Variants in ELOVL2 observed in about 807,000 individuals in gnomAD.
ELOVL2 encodes the protein ELOVL fatty acid elongase 2.
In ELOVL2, 38 loss-of-function variants were observed where a neutral mutation model predicts 37.7. The ratio of observed to expected loss-of-function variants is 1.01; its 90% CI spans 0.78 to 1.32. The LOEUF is 1.32. Ranked by LOEUF, ELOVL2 falls within the 40% of genes most tolerant of loss-of-function variation. The pLI is 0.00. For synonymous variants in ELOVL2, 115 were observed against 122.3 expected, an observed-to-expected ratio of 0.94 and a Z score of 0.40; for missense variants, 352 against 363.6, an observed-to-expected ratio of 0.97 and a Z score of 0.26.
chr6:10,996,520 A>C (rs1581863201), intron 4 of ELOVL2, among the ~76,000 whole-genome samples: 1 of 151,958 alleles, frequency 6.6e-6, no homozygotes, highest in Admixed American at 6.5e-5. Context: ...ATACAAAAAA[A>C]TTAGTTGGGT....
intron 1 of ELOVL2, among the ~76,000 whole-genome samples, chr6:11,012,106 ACT>A (rs1782594620): frequency 6.6e-6 from 1 of 152,074 alleles, no homozygotes; most frequent in Admixed American, 6.5e-5. Flanking sequence ...CTTATTTGTG[ACT>A]CTGATCCTGA....
intron 1 of ELOVL2, among the ~76,000 whole-genome samples, chr6:11,012,495 G>A (rs530194750): frequency 6.6e-6 from 1 of 152,306 alleles, no homozygotes; most frequent in East Asian, 1.9e-4. Flanking sequence ...CATAACAAAT[G>A]CCAATGAAGT....
At chr6:11,008,397 GTTGT>G (rs1275492181) in intron 2 of ELOVL2, among the ~76,000 whole-genome samples, 3 of 152,218 alleles carry the variant, frequency 2.0e-5, no homozygotes, top group African/African-American at 7.2e-5. Flanking sequence ...CAGACAAGTT[GTTGT>G]TTAACTGTCT....
In ELOVL2 at chr6:10,999,053, C is replaced by T. The variant is rs573343885; in HGVS notation, c.333+1034G>A. On this transcript the variant is annotated intron_variant, in intron 4 of 7. Coordinates refer to ENST00000354666, the MANE Select transcript of ELOVL2 (RefSeq NM_017770.4). ...TATCACAGTGTCAAAAAAGCAATACCGATGTTATTAACAATAAAAAAATTA... is the reference window on the plus strand; with the variant it reads ...TATCACAGTGTCAAAAAAGCAATACTGATGTTATTAACAATAAAAAAATTA... 9.8e-4 allele frequency among the ~76,000 whole-genome samples: 149 copies of T among 151,830 alleles called. 2 individuals are homozygous for T. Among genetic ancestry groups the T allele is most frequent in the Non-Finnish European group, 1.9e-3 (126 of 67,952 alleles).
rs772298104 is a variant in ELOVL2, at chr6:11,005,413, T to C, written c.214A>G (p.Asn72Asp). Reference sequence around the variant, plus strand: ...GCGGAGAGAAGTGTGATTCCAAGATTATACAAGGTGAGGATACCCCTGAGA... The same window carrying C: ...GCGGAGAGAAGTGTGATTCCAAGATCATACAAGGTGAGGATACCCCTGAGA... ...LSLRGILTLY[N>D]LGITLLSAYM... The change falls in exon 3 of 8, where the codon AAT becomes GAT. Residue 72 changes from asparagine to aspartate, a missense_variant. By Grantham distance (23) the Asn-to-Asp change is conservative. Coordinates refer to ENST00000354666, the MANE Select transcript of ELOVL2 (RefSeq NM_017770.4). 1.9e-6 allele frequency: 3 copies of C among 1,614,046 alleles called. No individual in the cohort carries two copies. The highest frequency in any genetic ancestry group is 4.5e-5 in the East Asian group (2 of 44,872).
intron 1 of ELOVL2, among the ~76,000 whole-genome samples, chr6:11,021,827 C>G (rs1423134545): frequency 6.6e-6 from 1 of 152,138 alleles, no homozygotes; most frequent in Non-Finnish European, 1.5e-5. Flanking sequence ...TGCTGGCTCA[C>G]CTTTTGGCTT....
Position 10,993,857 on chromosome 6 carries a change from A to ATT in ELOVL2, c.505+1148_505+1149dup, listed in dbSNP as rs530539525. ...AAGTGCACGTCACCACGCCCAGCTA[A>ATT]TTTTTTTTTTTTTTTTTTTTTTTTT... On this transcript the variant is annotated intron_variant, in intron 5 of 7. Transcript: ENST00000354666. Among the ~76,000 whole-genome samples the ATT allele has an allele frequency of 1.8e-3, 141 of 79,086 alleles. 5 individuals carry two copies. The highest frequency in any genetic ancestry group is 8.6e-3 in the Middle Eastern group (1 of 116). The allele number at this position is 79,086 out of a possible 152,430, so 51.9% of individuals were successfully genotyped here. A position where few individuals can be genotyped will look rare whatever the true frequency, so the allele number is the denominator to read the frequency against.
At chr6:11,022,594 A>G (rs1019503076) in intron 1 of ELOVL2, among the ~76,000 whole-genome samples, 1 of 152,208 alleles carries the variant, frequency 6.6e-6, no homozygotes, top group Admixed American at 6.5e-5. Flanking sequence ...AATTATATAC[A>G]CACAAAAAAT....
In ELOVL2 at chr6:11,010,610, G is replaced by A. The variant is rs2113522683; in HGVS notation, c.67+136C>T. 4 of 727,652 alleles carry A rather than the reference G, an allele frequency of 5.5e-6. No individual in the cohort carries two copies. In the East Asian group the frequency reaches 8.1e-5, roughly 15 times the overall value. 45.1% of individuals were successfully genotyped at this position (727,652 alleles called of 1,614,324 possible). On this transcript the variant is annotated intron_variant, in intron 2 of 7. Coordinates refer to ENST00000354666, the MANE Select transcript of ELOVL2 (RefSeq NM_017770.4). The stretch of plus-strand genomic sequence containing the variant: ...CTGGACATTCTGGAAGGATATCAAA[G>A]TTGAGGAAGTTAAGTTTCTAAATAT...
At chr6:11,039,791 T>C (rs777649420) in intron 1 of ELOVL2, among the ~76,000 whole-genome samples, 3 of 152,216 alleles carry the variant, frequency 2.0e-5, no homozygotes, top group Non-Finnish European at 4.4e-5. Flanking sequence ...ACTATCAGAC[T>C]ATCTGTGAAA....
chr6:11,043,847 G>A (rs9468309), intron 1 of ELOVL2: 38,421 of 185,822 alleles, frequency 0.21, 5,484 homozygotes, highest in East Asian at 0.63. Flanking sequence ...CGGAGGGTCG[G>A]AGGGTGGGCT....
At chr6:11,022,132 G>C (rs895052792) in intron 1 of ELOVL2, among the ~76,000 whole-genome samples, 1 of 152,186 alleles carries the variant, frequency 6.6e-6, no homozygotes, top group African/African-American at 2.4e-5. Flanking sequence ...CCCTTGCAGT[G>C]CTTGTGATCT....
At chr6:11,012,300 TAA>T (rs1782598557) in intron 1 of ELOVL2, among the ~76,000 whole-genome samples, 1 of 152,256 alleles carries the variant, frequency 6.6e-6, no homozygotes, top group Non-Finnish European at 1.5e-5. Flanking sequence ...TGAAAATTTT[TAA>T]ACAGTATATT....
intron 1 of ELOVL2, among the ~76,000 whole-genome samples, chr6:11,033,897 G>A (rs915554805): frequency 6.6e-6 from 1 of 152,188 alleles, no homozygotes; most frequent in Non-Finnish European, 1.5e-5. Context: ...AGAGAAAAAA[G>A]TTAGGATTGT....
chr6:11,011,344 C>T (rs1016782167), intron 1 of ELOVL2, among the ~76,000 whole-genome samples: 1 of 147,218 alleles, frequency 6.8e-6, no homozygotes, highest in Non-Finnish European at 1.5e-5. Context: ...CCAGCCTGGG[C>T]GACAGAGTGA....
chr6:11,029,446 A>G (rs930350203), intron 1 of ELOVL2, among the ~76,000 whole-genome samples: 6 of 152,144 alleles, frequency 3.9e-5, no homozygotes, highest in Admixed American at 3.9e-4. Flanking sequence ...CATACTTGTA[A>G]AAGCATCTAT....
At chr6:11,030,096 CTCTT>C (rs973734519) in intron 1 of ELOVL2, among the ~76,000 whole-genome samples, 98 of 152,344 alleles carry the variant, frequency 6.4e-4, no homozygotes, top group African/African-American at 2.2e-3. Context: ...GCTATTCTCT[CTCTT>C]TCCACACATG....
rs1163878691 is a variant in ELOVL2 at position 10,983,847 on chromosome 6, C to T, written c.825G>A (p.Val275=). 2 of 1,614,052 alleles carry T rather than the reference C, an allele frequency of 1.2e-6. No homozygotes were observed. Among genetic ancestry groups the T allele is most frequent in the Non-Finnish European group, 1.7e-6 (2 of 1,179,984 alleles). The change falls in exon 8 of 8, where the codon GTG becomes GTA. Residue 275 remains valine, a synonymous_variant. Coordinates refer to ENST00000354666, the MANE Select transcript of ELOVL2 (RefSeq NM_017770.4). ...AGTAGGCTTTGGAAAAACCATTCTT[C>T]ACTTCTTTCCCTGCAGGTGGCTCTT... ...DMQEPPAGKE[V]KNGFSKAYFT... is the part of the protein sequence containing the mutation.
chr6:11,040,690 T>C (rs1398246190), intron 1 of ELOVL2, among the ~76,000 whole-genome samples: 5 of 152,148 alleles, frequency 3.3e-5, no homozygotes, highest in African/African-American at 4.8e-5. Context: ...TCAACTAAAA[T>C]AGATATGGGA....
Sources: gnomAD v4.1 joint callset for allele counts (sites outside exome capture counted in the v4.1 genomes callset) on GRCh38, gnomAD v4.1.1 for gene constraint, MANE v1.5 for transcripts, NCBI Gene and HGNC (gene_info 2026-07-23, HGNC 2026-07-21) for gene names.